Variants in SOX6 observed in about 807,000 individuals in gnomAD.
SOX6 encodes the protein transcription factor SOX-6.
In SOX6, 11 loss-of-function variants were observed where a neutral mutation model predicts 97.8. That is an observed-to-expected ratio of 0.11 (90% CI 0.07 to 0.19). The LOEUF (loss-of-function observed/expected upper bound fraction) is 0.19, where lower values mean the gene tolerates loss of function less well. Ranked by LOEUF, SOX6 falls within the 10% of genes least tolerant of loss-of-function variation. The pLI is 1.00. For missense variants in SOX6, 810 were observed against 1,039.5 expected, an observed-to-expected ratio of 0.78 and a Z score of 3.04; for synonymous variants, 360 against 371.4, an observed-to-expected ratio of 0.97 and a Z score of 0.35.
At chr11:16,220,155 A>G (rs1852495658) in intron 4 of SOX6, among the ~76,000 whole-genome samples, 1 of 152,084 alleles carries the variant, frequency 6.6e-6, no homozygotes, top group East Asian at 1.9e-4. Flanking sequence ...TCTCACTATC[A>G]CAGTTACACT....
intron 4 of SOX6, among the ~76,000 whole-genome samples, chr11:16,570,981 T>G (rs115983828): frequency 0.013 from 2,051 of 152,280 alleles, 50 homozygotes; most frequent in African/African-American, 0.047. Context: ...TATTCTCCCC[T>G]TTTTCATACC....
chr11:16,523,787 G>C (rs1394291994), intron 4 of SOX6, among the ~76,000 whole-genome samples: 2 of 151,966 alleles, frequency 1.3e-5, no homozygotes, highest in African/African-American at 2.4e-5. Context: ...TCAATAAAAA[G>C]TGATAAAGGG....
chr11:16,004,814 AG>A (rs1854502867), intron 13 of SOX6, among the ~76,000 whole-genome samples: 1 of 152,068 alleles, frequency 6.6e-6, no homozygotes, highest in South Asian at 2.1e-4. Flanking sequence ...AGACAGATCT[AG>A]GTTTGAATTG....
intron 4 of SOX6, among the ~76,000 whole-genome samples, chr11:16,593,842 T>A (rs1011982908): frequency 6.6e-6 from 1 of 152,130 alleles, no homozygotes; most frequent in African/African-American, 2.4e-5. Flanking sequence ...TGATCCCGGG[T>A]GTGCTGATTC....
At chr11:16,227,338 T>G (rs1465945557) in intron 4 of SOX6, among the ~76,000 whole-genome samples, 7 of 152,222 alleles carry the variant, frequency 4.6e-5, no homozygotes. Flanking sequence ...ACATCTCTGC[T>G]TAAAATTTTC....
chr11:16,661,295 T>C (rs1443374495), intron 3 of SOX6, among the ~76,000 whole-genome samples: 1 of 152,214 alleles, frequency 6.6e-6, no homozygotes, highest in South Asian at 2.1e-4. Context: ...GTTAGTACGG[T>C]ATATCTTTAT....
intron 3 of SOX6, among the ~76,000 whole-genome samples, chr11:16,711,413 A>G (rs924058715): frequency 9.3e-6 from 1 of 107,766 alleles, no homozygotes; most frequent in African/African-American, 2.7e-5. Context: ...AGTCCCAGCT[A>G]CTGGGGGGTG....
intron 3 of SOX6, among the ~76,000 whole-genome samples, chr11:16,243,635 T>A (rs1385015281): frequency 6.6e-6 from 1 of 151,956 alleles, no homozygotes; most frequent in Non-Finnish European, 1.5e-5. Context: ...TACAGAACAT[T>A]TCTAAAAAGT....
intron 4 of SOX6, among the ~76,000 whole-genome samples, chr11:16,193,844 T>C (rs1412787477): frequency 6.6e-6 from 1 of 152,164 alleles, no homozygotes; most frequent in Non-Finnish European, 1.5e-5. Flanking sequence ...ATAACAATGC[T>C]AGTCATAAAA....
At chr11:16,675,959 TTA>T (rs1341245301) in intron 3 of SOX6, among the ~76,000 whole-genome samples, 2 of 152,238 alleles carry the variant, frequency 1.3e-5, no homozygotes, top group East Asian at 3.8e-4. Flanking sequence ...ATGTATAGCT[TTA>T]TGTCTTTTGT....
At chr11:16,453,229 C>A (rs918343018) in intron 1 of SOX6, among the ~76,000 whole-genome samples, 1 of 152,054 alleles carries the variant, frequency 6.6e-6, no homozygotes, top group Non-Finnish European at 1.5e-5. Context: ...CTGTACAATA[C>A]TGTTAAGAAA....
chr11:16,278,846 G>T (rs1257236820), intron 3 of SOX6, among the ~76,000 whole-genome samples: 1 of 151,926 alleles, frequency 6.6e-6, no homozygotes, highest in East Asian at 1.9e-4. Context: ...AATTCAGAGG[G>T]CTTCAAAAAC....
chr11:16,526,428 A>G (rs1181991803), intron 4 of SOX6, among the ~76,000 whole-genome samples: 3 of 151,936 alleles, frequency 2.0e-5, no homozygotes, highest in African/African-American at 7.3e-5. Context: ...GTGGGAATTG[A>G]ACAATGAGAA....
chr11:16,449,714 C>G (rs1416738894), intron 1 of SOX6, among the ~76,000 whole-genome samples: 2 of 152,144 alleles, frequency 1.3e-5, no homozygotes, highest in Admixed American at 6.5e-5. Context: ...AGACAGGATA[C>G]CCAGTTACTT....
At chr11:16,640,622 T>C (rs1156832451) in intron 3 of SOX6, among the ~76,000 whole-genome samples, 3 of 152,206 alleles carry the variant, frequency 2.0e-5, no homozygotes, top group Admixed American at 2.0e-4. Flanking sequence ...TTCAACTTCT[T>C]CCTGGTTTAG....
chr11:16,677,319 T>C (rs903205244), intron 3 of SOX6, among the ~76,000 whole-genome samples: 1 of 152,072 alleles, frequency 6.6e-6, no homozygotes, highest in African/African-American at 2.4e-5. Context: ...AAAACCTGAG[T>C]AAGTTAAAGT....
At chr11:16,606,310 G>A (rs553979315) in intron 4 of SOX6, among the ~76,000 whole-genome samples, 2 of 149,720 alleles carry the variant, frequency 1.3e-5, no homozygotes, top group East Asian at 2.0e-4. Context: ...AAGTTTCAGT[G>A]TAACTTTCTC....
Position 16,010,294 on chromosome 11 carries a change from G to A in SOX6, c.1732+4648C>T, listed in dbSNP as rs551846629. On this transcript the variant is annotated intron_variant, in intron 13 of 15. Coordinates refer to ENST00000683767, the MANE Select transcript of SOX6 (RefSeq NM_001367873.1). Reference sequence around the variant, plus strand: ...AATAGTCCCAAAAGAGGGTATTCTTGGTACACATATCTATTTCCATTTGAA... The same window carrying A: ...AATAGTCCCAAAAGAGGGTATTCTTAGTACACATATCTATTTCCATTTGAA... Among the ~76,000 whole-genome samples the A allele has an allele frequency of 9.3e-4, 141 of 151,998 alleles. 1 individual carries two copies. The highest frequency in any genetic ancestry group is 1.4e-3 in the Non-Finnish European group (93 of 67,938).
intron 3 of SOX6, among the ~76,000 whole-genome samples, chr11:16,275,109 T>C (rs1435265394): frequency 6.6e-6 from 1 of 152,136 alleles, no homozygotes; most frequent in Non-Finnish European, 1.5e-5. Context: ...AGTTTTATAA[T>C]ACATTTTCTT....
Sources: gnomAD v4.1 joint callset for allele counts (sites outside exome capture counted in the v4.1 genomes callset) on GRCh38, gnomAD v4.1.1 for gene constraint, MANE v1.5 for transcripts, NCBI Gene and HGNC (gene_info 2026-07-23, HGNC 2026-07-21) for gene names.